Variants in GRID2 observed in about 807,000 individuals in gnomAD.
The protein encoded by GRID2 is glutamate ionotropic receptor delta type subunit 2.
A neutral mutation model predicts 114.8 loss-of-function variants in GRID2; 33 were observed. The observed-to-expected ratio is 0.29, with a 90% CI of 0.22 to 0.38. The LOEUF (loss-of-function observed/expected upper bound fraction) is 0.38, where lower values mean the gene tolerates loss of function less well. GRID2 is among the 10% of genes least tolerant of loss of function. GRID2 has a pLI of 1.00. For missense variants in GRID2, 1,184 were observed against 1,257.7 expected, an observed-to-expected ratio of 0.94 and a Z score of 0.89; for synonymous variants, 505 against 449.9, an observed-to-expected ratio of 1.12 and a Z score of -1.55.
At chr4:93,535,735 AT>A (rs1455835933) in intron 13 of GRID2, among the ~76,000 whole-genome samples, 4 of 151,732 alleles carry the variant, frequency 2.6e-5, no homozygotes, top group African/African-American at 9.7e-5. Flanking sequence ...CCCATTTTTT[AT>A]TTGGGTTAAT....
intron 1 of GRID2, among the ~76,000 whole-genome samples, chr4:92,547,436 A>G (rs577199601): frequency 1.1e-4 from 17 of 152,320 alleles, no homozygotes; most frequent in African/African-American, 3.6e-4. Context: ...ACATTTTAAA[A>G]CAATTGGAAC....
chr4:93,120,856 G>A (rs1009091923), intron 4 of GRID2, among the ~76,000 whole-genome samples: 1 of 152,136 alleles, frequency 6.6e-6, no homozygotes, highest in Admixed American at 6.5e-5. Context: ...AGGAGGCTGA[G>A]GCAAGAGAAT....
intron 2 of GRID2, among the ~76,000 whole-genome samples, chr4:93,025,514 G>A (rs1431236541): frequency 6.6e-6 from 1 of 151,570 alleles, no homozygotes; most frequent in African/African-American, 2.4e-5. Context: ...AATTGATGAT[G>A]GTACAGATGG....
rs116004285 is a variant in GRID2 at position 93,338,120 on chromosome 4, A to C, written c.1246-57487A>C. On this transcript the variant is annotated intron_variant, in intron 8 of 15. Coordinates refer to ENST00000282020, the MANE Select transcript of GRID2 (RefSeq NM_001510.4). ...AATTAAATGATGAAGTATATGTCTA[A>C]ATTTGACCATTCATCAGTGATGTGA... Among the ~76,000 whole-genome samples, 707 of 150,914 alleles carry C rather than the reference A, an allele frequency of 4.7e-3. 3 individuals carry two copies. The highest frequency in any genetic ancestry group is 0.016 in the African/African-American group (663 of 40,346).
intron 1 of GRID2, among the ~76,000 whole-genome samples, chr4:92,392,526 A>C (rs1433198758): frequency 6.6e-6 from 1 of 152,058 alleles, no homozygotes; most frequent in Non-Finnish European, 1.5e-5. Flanking sequence ...CAGCAGAGTG[A>C]GACTCTGTCT....
At chr4:92,856,852 A>T (rs556846770) in intron 2 of GRID2, among the ~76,000 whole-genome samples, 13 of 152,188 alleles carry the variant, frequency 8.5e-5, no homozygotes, top group African/African-American at 3.1e-4. Context: ...AACTTTTTTT[A>T]AAAAATTGGA....
chr4:93,755,606 T>G (rs148198074), intron 14 of GRID2, among the ~76,000 whole-genome samples: 13 of 152,326 alleles, frequency 8.5e-5, no homozygotes, highest in Admixed American at 7.8e-4. Context: ...TTATTCCTAC[T>G]AAGGAAATAG....
intron 14 of GRID2, among the ~76,000 whole-genome samples, chr4:93,709,224 C>G (rs1317773370): frequency 6.6e-6 from 1 of 152,064 alleles, no homozygotes; most frequent in Non-Finnish European, 1.5e-5. Context: ...TGTTTACTTC[C>G]TTTTCTTTCA....
Position 92,336,642 on chromosome 4 carries a change from C to A in GRID2, c.88+31898C>A, listed in dbSNP as rs554817924. On this transcript the variant is annotated intron_variant, in intron 1 of 15. Transcript: ENST00000282020. ...AAAATAACATCATGTCCCTACTGTG[C>A]TTAAAATCTGTATCTTACTATTTGG... Among the ~76,000 whole-genome samples, 10 of 152,298 alleles carry A rather than the reference C, an allele frequency of 6.6e-5. No homozygotes were observed. The East Asian group carries it at 1.7e-3, about 26-fold the overall frequency.
intron 1 of GRID2, among the ~76,000 whole-genome samples, chr4:92,351,071 A>G (rs1448944074): frequency 6.6e-6 from 1 of 151,888 alleles, no homozygotes; most frequent in African/African-American, 2.4e-5. Flanking sequence ...TTATCCATTC[A>G]TCAGTTGATG....
At chr4:93,803,158 A>T (rs937340098) in intron 1 of GRID2, among the ~76,000 whole-genome samples, 49 of 152,108 alleles carry the variant, frequency 3.2e-4, no homozygotes, top group African/African-American at 9.7e-4. Flanking sequence ...CTCTGTTTTG[A>T]TTTTCTTCCA....
chr4:93,296,736 A>G (rs1211935665), intron 8 of GRID2, among the ~76,000 whole-genome samples: 1 of 152,230 alleles, frequency 6.6e-6, no homozygotes, highest in Non-Finnish European at 1.5e-5. Flanking sequence ...AGAAACTTGA[A>G]TGAATCTGAC....
chr4:93,472,377 A>C (rs1274563117), intron 11 of GRID2, among the ~76,000 whole-genome samples: 1 of 152,144 alleles, frequency 6.6e-6, no homozygotes, highest in Non-Finnish European at 1.5e-5. Flanking sequence ...ATAACTTTTA[A>C]CCATAATTAA....
intron 11 of GRID2, among the ~76,000 whole-genome samples, chr4:93,472,262 G>T (rs1421696262): frequency 6.6e-6 from 1 of 151,860 alleles, no homozygotes; most frequent in Non-Finnish European, 1.5e-5. Context: ...GGCGGAGGTT[G>T]CAGTGAACCA....
intron 6 of GRID2, among the ~76,000 whole-genome samples, chr4:93,220,293 A>C (rs1406981595): frequency 2.0e-5 from 3 of 151,836 alleles, no homozygotes; most frequent in Non-Finnish European, 2.9e-5. Flanking sequence ...TATGTGTTAC[A>C]TGTTGATTTT....
At chr4:93,378,017 C>G (rs748444174) in intron 8 of GRID2, among the ~76,000 whole-genome samples, 6 of 152,028 alleles carry the variant, frequency 3.9e-5, no homozygotes, top group Non-Finnish European at 8.8e-5. Flanking sequence ...TTTAATTTAA[C>G]AGATCAAAGC....
In GRID2 at chr4:93,594,404, C is replaced by T. The variant is rs1232014324; in HGVS notation, c.2194-31865C>T. ...CAGGGACCCACTTGAGGAGGCAGTC[C>T]GCCCATTCTCAGATCTCCAGCTGCG... On this transcript the variant is annotated intron_variant, in intron 13 of 15. Coordinates refer to ENST00000282020, the MANE Select transcript of GRID2 (RefSeq NM_001510.4). Among the ~76,000 whole-genome samples the T allele has an allele frequency of 2.8e-4, 42 of 151,508 alleles. 1 individual carries two copies. The highest frequency in any genetic ancestry group is 2.0e-3 in the Admixed American group (31 of 15,210).
intron 14 of GRID2, among the ~76,000 whole-genome samples, chr4:93,656,930 G>A (rs1723074949): frequency 6.8e-6 from 1 of 146,444 alleles, no homozygotes; most frequent in Non-Finnish European, 1.5e-5. Flanking sequence ...CTTTTTAACA[G>A]TATCCACAAT....
chr4:92,942,882 A>G (rs1326545220), intron 2 of GRID2, among the ~76,000 whole-genome samples: 1 of 152,174 alleles, frequency 6.6e-6, no homozygotes, highest in African/African-American at 2.4e-5. Context: ...TTCTTTAAGA[A>G]TGTTGAATAT....
Sources: allele counts gnomAD v4.1 joint callset (sites outside exome capture counted in the v4.1 genomes callset), GRCh38; gene constraint gnomAD v4.1.1; transcripts MANE v1.5; gene names NCBI Gene and HGNC (gene_info 2026-07-23, HGNC 2026-07-21).